The following DIAPH3 variants were observed in gnomAD, a reference collection of about 807,000 sequenced individuals.
DIAPH3 encodes the protein protein diaphanous homolog 3.
DIAPH3 carries 117 observed loss-of-function variants against 144.3 expected under a neutral mutation model. That is an observed-to-expected ratio of 0.81 (90% CI 0.70 to 0.95). DIAPH3 has a LOEUF of 0.95. Ranked by LOEUF, DIAPH3 falls within the 40% of genes least tolerant of loss-of-function variation. The pLI is 0.00. For synonymous variants in DIAPH3, 519 were observed against 488.9 expected (o/e 1.06, Z -0.81); for missense variants, 1,421 against 1,412.7 (o/e 1.01, Z -0.09).
At chr13:60,065,038 G>T (rs558105839) in intron 4 of DIAPH3, among the ~76,000 whole-genome samples, 2 of 152,098 alleles carry the variant, frequency 1.3e-5, no homozygotes, top group Non-Finnish European at 2.9e-5. Context: ...GGTGTGGTTT[G>T]TGGCACCTTA....
intron 4 of DIAPH3, among the ~76,000 whole-genome samples, chr13:60,071,735 A>T (rs1015932783): frequency 6.6e-6 from 1 of 152,180 alleles, no homozygotes; most frequent in Admixed American, 6.6e-5. Flanking sequence ...TGTCAAGGAA[A>T]CAAGTTTTCT....
intron 17 of DIAPH3, among the ~76,000 whole-genome samples, chr13:59,939,141 TG>T (rs1254403882): frequency 6.6e-6 from 1 of 152,162 alleles, no homozygotes; most frequent in Non-Finnish European, 1.5e-5. Flanking sequence ...CAGACCAAAC[TG>T]GGATCATTTA....
chr13:59,763,674 ACC>A (rs1326082064), intron 27 of DIAPH3, among the ~76,000 whole-genome samples: 1 of 151,580 alleles, frequency 6.6e-6, no homozygotes, highest in Non-Finnish European at 1.5e-5. Context: ...ACAGAGAGAA[ACC>A]CTGTCACAAA....
chr13:60,139,127 C>A (rs541920029), intron 1 of DIAPH3, among the ~76,000 whole-genome samples: 12 of 152,278 alleles, frequency 7.9e-5, no homozygotes, highest in Admixed American at 7.8e-4. Context: ...GGATCATCTC[C>A]CTGGCAACTA....
At chr13:60,004,339 AAGAC>A (rs1184825716) in intron 9 of DIAPH3, among the ~76,000 whole-genome samples, 3 of 152,210 alleles carry the variant, frequency 2.0e-5, no homozygotes, top group African/African-American at 4.8e-5. Context: ...AAAATTCAGA[AAGAC>A]AGAGAAATAG....
intron 17 of DIAPH3, among the ~76,000 whole-genome samples, chr13:59,928,378 T>C (rs1339297750): frequency 6.6e-6 from 1 of 152,158 alleles, no homozygotes; most frequent in Non-Finnish European, 1.5e-5. Context: ...AGGTCTTTTA[T>C]AAATTTCTTT....
chr13:59,967,454 T>G (rs1222123651), intron 17 of DIAPH3, among the ~76,000 whole-genome samples: 1 of 152,042 alleles, frequency 6.6e-6, no homozygotes, highest in East Asian at 1.9e-4. Flanking sequence ...GAATGTAACA[T>G]TTGGACCCAA....
intron 5 of DIAPH3, among the ~76,000 whole-genome samples, chr13:60,031,278 C>T (rs1235370756): frequency 3.3e-5 from 5 of 152,058 alleles, no homozygotes; most frequent in African/African-American, 9.7e-5. Flanking sequence ...CAAGAACTCA[C>T]TCACTATCAC....
intron 27 of DIAPH3, among the ~76,000 whole-genome samples, chr13:59,741,740 G>A (rs898299808): frequency 4.0e-5 from 6 of 150,504 alleles, no homozygotes; most frequent in Admixed American, 2.7e-4. Flanking sequence ...AGAAAAAAGA[G>A]GGTTACAAAA....
At chr13:60,067,190 T>C (rs1254388271) in intron 4 of DIAPH3, among the ~76,000 whole-genome samples, 1 of 151,384 alleles carries the variant, frequency 6.6e-6, no homozygotes, top group Non-Finnish European at 1.5e-5. Flanking sequence ...GAGGCTAAGG[T>C]GAAAGGATTG....
chr13:59,853,731 A>C (rs1422567887), intron 22 of DIAPH3, among the ~76,000 whole-genome samples: 2 of 152,202 alleles, frequency 1.3e-5, no homozygotes, highest in Non-Finnish European at 2.9e-5. Flanking sequence ...TTTCAGTTTT[A>C]ACTGGTTTAG....
chr13:59,864,168 G>A (rs962332444), intron 21 of DIAPH3, among the ~76,000 whole-genome samples: 1 of 152,026 alleles, frequency 6.6e-6, no homozygotes, highest in Non-Finnish European at 1.5e-5. Context: ...ACTCATGAAT[G>A]TCAAATACAA....
chr13:59,900,878 A>G (rs917848841), intron 20 of DIAPH3, among the ~76,000 whole-genome samples: 2 of 152,126 alleles, frequency 1.3e-5, no homozygotes, highest in Non-Finnish European at 1.5e-5. Context: ...CCTCATCTCT[A>G]TAAATGGGAA....
At chr13:59,758,044 A>T (rs958982535) in intron 27 of DIAPH3, among the ~76,000 whole-genome samples, 1 of 152,212 alleles carries the variant, frequency 6.6e-6, no homozygotes, top group Non-Finnish European at 1.5e-5. Flanking sequence ...TATTATCCAT[A>T]GAAGAAATGC....
At chr13:59,785,907 A>G (rs2039008509) in intron 25 of DIAPH3, among the ~76,000 whole-genome samples, 1 of 152,192 alleles carries the variant, frequency 6.6e-6, no homozygotes, top group Non-Finnish European at 1.5e-5. Flanking sequence ...TATGACTGCT[A>G]TCATATGTTA....
intron 1 of DIAPH3, among the ~76,000 whole-genome samples, chr13:60,156,977 C>G (rs1345439664): frequency 8.4e-6 from 1 of 118,746 alleles, no homozygotes; most frequent in South Asian, 2.6e-4. Flanking sequence ...AGGAGTCTCA[C>G]TCTGTCACCC....
intron 17 of DIAPH3, among the ~76,000 whole-genome samples, chr13:59,940,044 T>C (rs1475649946): frequency 1.3e-5 from 2 of 152,192 alleles, no homozygotes; most frequent in East Asian, 3.9e-4. Context: ...ACTTATAAAA[T>C]GAAAATCTCC....
chr13:59,831,492 T>A (rs1037262103), intron 24 of DIAPH3, among the ~76,000 whole-genome samples: 1 of 151,810 alleles, frequency 6.6e-6, no homozygotes, highest in African/African-American at 2.4e-5. Context: ...ATTGCAAACC[T>A]GGGAAGCTTC....
intron 9 of DIAPH3, among the ~76,000 whole-genome samples, chr13:60,003,576 T>C (rs77662723): frequency 4.0e-5 from 6 of 150,736 alleles, no homozygotes; most frequent in South Asian, 4.2e-4. Flanking sequence ...GATATAGATA[T>C]ATATATATTT....
Sources: gnomAD v4.1 joint callset for allele counts (sites outside exome capture counted in the v4.1 genomes callset) on GRCh38, gnomAD v4.1.1 for gene constraint, MANE v1.5 for transcripts, NCBI Gene and HGNC (gene_info 2026-07-23, HGNC 2026-07-21) for gene names.